Variants in CCND3 observed in about 807,000 individuals in gnomAD.
The protein encoded by CCND3 is G1/S-specific cyclin-D3.
Under a neutral mutation model 28.7 loss-of-function variants are expected in CCND3, and 9 were observed. The ratio of observed to expected loss-of-function variants is 0.31; its 90% CI spans 0.19 to 0.55. The LOEUF is 0.55. Among genes scored for constraint, CCND3 ranks in the 20% least tolerant of loss-of-function variants. The probability of loss-of-function intolerance (pLI) is 0.93; values close to 1 mark genes in which losing one functional copy is unlikely to be tolerated. For synonymous variants in CCND3, 164 were observed against 163.9 expected (o/e 1.00, Z 0.00); for missense variants, 315 against 385.8 (o/e 0.82, Z 1.54).
chr6:42,024,572 T>G (rs1763815980), intron 1 of CCND3, among the ~76,000 whole-genome samples: 1 of 152,108 alleles, frequency 6.6e-6, no homozygotes, highest in African/African-American at 2.4e-5. Flanking sequence ...CCACTGGCAC[T>G]GTTCAGTAGC....
chr6:42,017,881 T>G (rs1708420486), intron 1 of CCND3, among the ~76,000 whole-genome samples: 1 of 152,188 alleles, frequency 6.6e-6, no homozygotes, highest in South Asian at 2.1e-4. Context: ...CCGGGTGTGG[T>G]GGCTCACGCC....
At chr6:41,998,015 G>A (rs1762861073) in intron 1 of CCND3, among the ~76,000 whole-genome samples, 1 of 151,338 alleles carries the variant, frequency 6.6e-6, no homozygotes, top group South Asian at 2.1e-4. Flanking sequence ...AATTAGCCGG[G>A]CGTGGTGGCG....
Position 41,935,667 on chromosome 6 carries a change from C to T in CCND3, c.*273G>A. 3.7e-6 allele frequency: 2 copies of T among 537,592 alleles called. No individual in the cohort carries two copies. The highest frequency in any genetic ancestry group is 6.7e-6 in the Non-Finnish European group (2 of 298,778). The allele number at this position is 537,592 out of a possible 1,614,324, so 33.3% of individuals were successfully genotyped here. The stretch of plus-strand genomic sequence containing the variant: ...CTGGTGTATGTATCCAATTCTGTCC[C>T]ATCAGCCTGGCCCACCCCCAGCTAG... On this transcript the variant is annotated 3_prime_UTR_variant, in exon 5 of 5. Transcript: ENST00000372991.
chr6:41,958,535 C>G (rs1776495140), intron 1 of CCND3, among the ~76,000 whole-genome samples: 1 of 152,106 alleles, frequency 6.6e-6, no homozygotes, highest in South Asian at 2.1e-4. Context: ...ACAAATAAAA[C>G]AGTTCTTTTC....
chr6:41,937,513 A>C lies in CCND3; in HGVS notation c.415-119T>G, dbSNP rs1561950412. The C allele has an allele frequency of 4.2e-6, 5 of 1,203,488 alleles. No individual in the cohort carries two copies. The East Asian group carries it at 1.2e-4, about 30-fold the overall frequency. The allele number at this position is 1,203,488 out of a possible 1,614,324, so 74.6% of individuals were successfully genotyped here. A position where few individuals can be genotyped will look rare whatever the true frequency, so the allele number is the denominator to read the frequency against. Reference sequence around the variant, plus strand: ...TCAAACTTTTAAAGCCCAAGACCCCAGTTCTGTTTCTGATTTTAAGGCCGG... The same window carrying C: ...TCAAACTTTTAAAGCCCAAGACCCCCGTTCTGTTTCTGATTTTAAGGCCGG... On this transcript the variant is annotated intron_variant, in intron 2 of 4. Transcript: ENST00000372991.
At chr6:42,039,646 A>G (rs893263259) in intron 1 of CCND3, among the ~76,000 whole-genome samples, 2 of 152,180 alleles carry the variant, frequency 1.3e-5, no homozygotes, top group African/African-American at 4.8e-5. Context: ...CTGGAGGAAA[A>G]GCTTGTTTGC....
At chr6:41,965,360 A>G (rs1761861296) in intron 1 of CCND3, among the ~76,000 whole-genome samples, 1 of 151,812 alleles carries the variant, frequency 6.6e-6, no homozygotes, top group Non-Finnish European at 1.5e-5. Context: ...GAGCCACCAC[A>G]CCCAGCAATA....
chr6:41,959,731 C>A (rs1383000715), intron 1 of CCND3, among the ~76,000 whole-genome samples: 1 of 151,406 alleles, frequency 6.6e-6, no homozygotes, highest in Non-Finnish European at 1.5e-5. Flanking sequence ...GCTTTGGGAG[C>A]CTGACCACGA....
chr6:41,941,149 G>T lies in CCND3; in HGVS notation c.198+303C>A. On this transcript the variant is annotated intron_variant, in intron 1 of 4. Transcript: ENST00000372991. The surrounding 1 kb of genome is among the most constrained non-coding windows in gnomAD (Gnocchi z 6.1). The stretch of plus-strand genomic sequence containing the variant: ...TCCGGAGAAGGCCGGGAGGCGGAGG[G>T]AAGCGGGAGACGCTGTGAGAAGCCG... The T allele has an allele frequency of 6.8e-7, 1 of 1,469,728 alleles. No individual in the cohort carries two copies. Among genetic ancestry groups the T allele is most frequent in the Non-Finnish European group, 9.0e-7 (1 of 1,115,738 alleles). 91.0% of individuals were successfully genotyped at this position (1,469,728 alleles called of 1,614,324 possible).
chr6:41,960,603 A>G (rs970142897), intron 1 of CCND3, among the ~76,000 whole-genome samples: 6 of 152,156 alleles, frequency 3.9e-5, no homozygotes, highest in Admixed American at 6.6e-5. Context: ...GGGGAGTACT[A>G]TCTACCTCAG....
rs544308910 is a variant in CCND3 at position 41,968,820 on chromosome 6, T to C, written c.-45-28235A>G. On this transcript the variant is annotated intron_variant, in intron 1 of 4. Transcript: ENST00000372988. ...TGGTTTGTGTTTGTTTGTTTGTTTG[T>C]TTTGACACGGAGTCTCACTCTGTCA... is the stretch of plus-strand genomic sequence containing the variant. 6.6e-5 allele frequency among the ~76,000 whole-genome samples: 10 copies of C among 150,548 alleles called. No homozygotes were observed. The East Asian group carries it at 1.9e-3, about 29-fold the overall frequency.
At chr6:41,965,496 T>G (rs1371362792) in intron 1 of CCND3, among the ~76,000 whole-genome samples, 2 of 151,910 alleles carry the variant, frequency 1.3e-5, no homozygotes, top group Non-Finnish European at 2.9e-5. Context: ...ACCTCAGGAG[T>G]GCACGCCTCT....
intron 1 of CCND3, among the ~76,000 whole-genome samples, chr6:42,029,741 G>A (rs1159894051): frequency 6.6e-6 from 1 of 151,728 alleles, no homozygotes; most frequent in Non-Finnish European, 1.5e-5. Context: ...GGAGGCTGAG[G>A]CAAGAGAATC....
intron 1 of CCND3, among the ~76,000 whole-genome samples, chr6:42,022,342 C>T (rs1163280630): frequency 6.6e-6 from 1 of 152,158 alleles, no homozygotes; most frequent in Non-Finnish European, 1.5e-5. Context: ...AATGAATGAA[C>T]AAATGATTGG....
At chr6:41,945,493 A>T (rs1776144567), upstream of CCND3, among the ~76,000 whole-genome samples, 1 of 151,490 alleles carries the variant, frequency 6.6e-6, no homozygotes, top group Non-Finnish European at 1.5e-5. Context: ...TAGCCAGGGC[A>T]ACAAGAGCGA....
intron 1 of CCND3, among the ~76,000 whole-genome samples, chr6:41,992,789 G>A (rs1257043842): frequency 6.6e-6 from 1 of 151,950 alleles, no homozygotes; most frequent in Non-Finnish European, 1.5e-5. Context: ...CTGTCACCTA[G>A]GCTAGAGTAT....
chr6:41,978,886 A>G (rs1014866440), intron 1 of CCND3, among the ~76,000 whole-genome samples: 2 of 152,160 alleles, frequency 1.3e-5, no homozygotes, highest in African/African-American at 4.8e-5. Context: ...CTCCTACTAC[A>G]TATGATCCTG....
At chr6:41,952,922 T>G (rs1262368217) in intron 1 of CCND3, among the ~76,000 whole-genome samples, 2 of 152,130 alleles carry the variant, frequency 1.3e-5, no homozygotes, top group Non-Finnish European at 2.9e-5. Flanking sequence ...GGCACAAGGA[T>G]GTGGCAGTTG....
intron 1 of CCND3, among the ~76,000 whole-genome samples, chr6:42,029,780 T>G (rs1763991147): frequency 6.8e-6 from 1 of 147,522 alleles, no homozygotes; most frequent in Non-Finnish European, 1.5e-5. Flanking sequence ...GAGGTTGCAG[T>G]GAGTCAAGAT....
Sources: allele counts gnomAD v4.1 joint callset (sites outside exome capture counted in the v4.1 genomes callset), GRCh38; gene constraint gnomAD v4.1.1; non-coding constraint Gnocchi (gnomAD v3.1); transcripts MANE v1.5; gene names NCBI Gene and HGNC (gene_info 2026-07-23, HGNC 2026-07-21).